Variants in KRT80 observed in about 807,000 individuals in gnomAD.
KRT80 encodes the protein keratin, type II cytoskeletal 80.
KRT80 carries 36 observed loss-of-function variants against 51.5 expected under a neutral mutation model. That is an observed-to-expected ratio of 0.70 (90% CI 0.54 to 0.92). The LOEUF (loss-of-function observed/expected upper bound fraction) is 0.92. Among genes scored for constraint, KRT80 ranks in the 40% least tolerant of loss-of-function variants. KRT80 has a pLI of 0.00. For missense variants in KRT80, 566 were observed against 591.7 expected, an observed-to-expected ratio of 0.96 and a Z score of 0.45; for synonymous variants, 235 against 248.3, an observed-to-expected ratio of 0.95 and a Z score of 0.50.
intron 1 of KRT80, among the ~76,000 whole-genome samples, chr12:52,189,150 C>T (rs920955838): frequency 7.9e-5 from 12 of 152,034 alleles, no homozygotes; most frequent in Admixed American, 7.2e-4. Context: ...CCCCACCCCT[C>T]TCCTCTCTTT....
Position 52,171,296 on chromosome 12 carries a change from G to A in KRT80, c.*102C>T, listed in dbSNP as rs575441541. The A allele has an allele frequency of 3.6e-4, 441 of 1,213,198 alleles. No individual in the cohort carries two copies. Among genetic ancestry groups the A allele is most frequent in the Non-Finnish European group, 4.6e-4 (398 of 864,592 alleles). The allele number at this position is 1,213,198 out of a possible 1,614,324, so 75.2% of individuals were successfully genotyped here. ...CTCTCTCAGTTCAATATCAGGTTTT[G>A]CCTCTCTTCTCAACCTAGAGGCTCC... On this transcript the variant is annotated 3_prime_UTR_variant, in exon 9 of 9. Transcript: ENST00000394815.
chr12:52,170,559 A>C lies in KRT80; in HGVS notation c.*839T>G, dbSNP rs1000380979. The stretch of plus-strand genomic sequence containing the variant: ...AGAGCTCAGATCCAGGCTGGGTAGG[A>C]CCCCAGCATGGCAGGGAGGTGAAAG... On this transcript the variant is annotated 3_prime_UTR_variant, in exon 9 of 9. Transcript: ENST00000394815. 1 of 151,980 alleles carries C rather than the reference A, an allele frequency of 6.6e-6. No homozygotes were observed. Among genetic ancestry groups the C allele is most frequent in the Admixed American group, 6.6e-5 (1 of 15,262 alleles). The allele number at this position is 151,980 out of a possible 1,614,324, so 9.4% of individuals were successfully genotyped here. A position where few individuals can be genotyped will look rare whatever the true frequency, so the allele number is the denominator to read the frequency against.
chr12:52,170,491 CA>C lies in KRT80; in HGVS notation c.*906del, dbSNP rs1941069611. The stretch of plus-strand genomic sequence containing the variant: ...CAGGGGTCTCCAAGGCCTGGTGCAC[CA>C]AAGCCCGGTGCTCAGGCTGGGAACA... On this transcript the variant is annotated 3_prime_UTR_variant, in exon 9 of 9. Coordinates refer to ENST00000394815, the MANE Select transcript of KRT80 (RefSeq NM_182507.3). The C allele has an allele frequency of 6.6e-6, 1 of 152,282 alleles. No homozygotes were observed. Among genetic ancestry groups the C allele is most frequent in the African/African-American group, 2.4e-5 (1 of 41,446 alleles). The allele number at this position is 152,282 out of a possible 1,614,324, so 9.4% of individuals were successfully genotyped here.
chr12:52,183,313 A>AT (rs1193966626), intron 2 of KRT80, among the ~76,000 whole-genome samples: 1 of 152,152 alleles, frequency 6.6e-6, no homozygotes, highest in East Asian at 1.9e-4. Flanking sequence ...ATTCTCAGGC[A>AT]TTTTTTAGCT....
intron 1 of KRT80, among the ~76,000 whole-genome samples, chr12:52,188,138 C>T (rs919921077): frequency 3.3e-5 from 5 of 152,138 alleles, no homozygotes; most frequent in African/African-American, 1.2e-4. Context: ...AGGCTCCTCC[C>T]TCTCAGAACA....
intron 1 of KRT80, 86 bp downstream of exon 1, chr12:52,191,517 T>C: frequency 1.5e-6 from 2 of 1,341,030 alleles, no homozygotes; most frequent in Non-Finnish European, 2.0e-6. Context: ...TGGGGCGCGG[T>C]GATCGATGCT....
Position 52,171,327 on chromosome 12 carries a change from G to A in KRT80, c.*71C>T. 3.4e-6 allele frequency: 5 copies of A among 1,453,090 alleles called. No homozygotes were observed. Among genetic ancestry groups the A allele is most frequent in the Non-Finnish European group, 4.6e-6 (5 of 1,076,802 alleles). 90.0% of individuals were successfully genotyped at this position (1,453,090 alleles called of 1,614,324 possible). A position where few individuals can be genotyped will look rare whatever the true frequency, so the allele number is the denominator to read the frequency against. ...CTTCTCAACCTAGAGGCTCCAAGCT[G>A]CTTTCTTGAGTCTAGCTTAAGTCCC... On this transcript the variant is annotated 3_prime_UTR_variant, in exon 9 of 9. Transcript: ENST00000394815.
chr12:52,176,092 A>G (rs1364704058), intron 4 of KRT80, among the ~76,000 whole-genome samples: 2 of 152,210 alleles, frequency 1.3e-5, no homozygotes, highest in Admixed American at 1.3e-4. Flanking sequence ...GTCAGGGTGA[A>G]AAGACTGGCC....
intron 1 of KRT80, among the ~76,000 whole-genome samples, chr12:52,187,892 A>G (rs948989909): frequency 2.6e-5 from 4 of 152,202 alleles, no homozygotes; most frequent in African/African-American, 7.2e-5. Flanking sequence ...CATGAGCAGC[A>G]GAGAAATCTT....
At chr12:52,183,663 T>C (rs1269834255) in intron 2 of KRT80, among the ~76,000 whole-genome samples, 1 of 152,246 alleles carries the variant, frequency 6.6e-6, no homozygotes, top group East Asian at 1.9e-4. Context: ...ATGAGGGGGC[T>C]GAGCCAGATT....
chr12:52,185,540 G>A lies in KRT80; in HGVS notation c.348C>T (p.Ser116=). 6.2e-7 allele frequency: 1 copy of A among 1,612,662 alleles called. No homozygotes were observed. Residue 116 remains serine, a synonymous_variant, in exon 2 of 9, where the codon AGC becomes AGT. Transcript: ENST00000394815. ...QRNQLLETRW[S]FLQGQDSAIF... ...TGGCTGAGTCCTGGCCCTGCAGGAA[G>A]CTCCAGCGTGTCTCCAGCAGCTGGT...
rs187760214 is a variant in KRT80, at chr12:52,172,557, C to G, written c.958-139G>C. 68 of 749,810 alleles carry G rather than the reference C, an allele frequency of 9.1e-5. 1 individual carries two copies. The highest frequency in any genetic ancestry group is 5.3e-4 in the South Asian group (28 of 52,630). The allele number at this position is 749,810 out of a possible 1,614,324, so 46.4% of individuals were successfully genotyped here. On this transcript the variant is annotated intron_variant, in intron 6 of 8. Transcript: ENST00000394815. ...GCAATGGCATTTCTGGGTGTGGTAA[C>G]TGGTTGCCATGCAGCAAGAGGGAGT...
chr12:52,187,107 TAGGCCATGAGGGC>T (rs1941419011), intron 1 of KRT80, among the ~76,000 whole-genome samples: 1 of 152,250 alleles, frequency 6.6e-6, no homozygotes, highest in South Asian at 2.1e-4. Flanking sequence ...GTGCCAGGGA[TAGGCCATGAGGGC>T]AGGCCATGAG....
rs368072477 is a variant in KRT80, at chr12:52,170,201, G to T, written c.*1197C>A. On this transcript the variant is annotated 3_prime_UTR_variant, in exon 9 of 9. Transcript: ENST00000394815. ...TTTGGGCCCCACAGCTGGACCTCAA[G>T]GGCTTGGAAGCTCCCAGACTTGCCT... is the stretch of plus-strand genomic sequence containing the variant. The T allele has an allele frequency of 2.6e-5, 4 of 152,454 alleles. No homozygotes were observed. The South Asian group carries it at 6.2e-4, about 24-fold the overall frequency. 9.4% of individuals were successfully genotyped at this position (152,454 alleles called of 1,614,324 possible).
Position 52,170,326 on chromosome 12 carries a change from G to A in KRT80, c.*1072C>T, listed in dbSNP as rs1941065207. 1 of 152,460 alleles carries A rather than the reference G, an allele frequency of 6.6e-6. No homozygotes were observed. Among genetic ancestry groups the A allele is most frequent in the African/African-American group, 2.4e-5 (1 of 41,454 alleles). The allele number at this position is 152,460 out of a possible 1,614,324, so 9.4% of individuals were successfully genotyped here. On this transcript the variant is annotated 3_prime_UTR_variant, in exon 9 of 9. Coordinates refer to ENST00000394815, the MANE Select transcript of KRT80 (RefSeq NM_182507.3). Reference sequence around the variant, plus strand: ...GAAAGGAGGAGCTCTAACCCCATAGGTGTGGGGGGTTCCTGGGCTCCCCCA... The same window carrying A: ...GAAAGGAGGAGCTCTAACCCCATAGATGTGGGGGGTTCCTGGGCTCCCCCA...
rs746844184 is a variant in KRT80 at position 52,173,678 on chromosome 12, G to T, written c.753C>A (p.Ile251=). The change falls in exon 5 of 9, where the codon ATC becomes ATA. Residue 251 remains isoleucine, a synonymous_variant. Coordinates refer to ENST00000394815, the MANE Select transcript of KRT80 (RefSeq NM_182507.3). The part of the protein sequence containing the change: ...DSRCHIDLSG[I]VEEVKAQYDA... Reference sequence around the variant, plus strand: ...CATACTGGGCCTTCACCTCCTCCACGATGCCGCTCAGGTCGATGTGGCAGC... The same window carrying T: ...CATACTGGGCCTTCACCTCCTCCACTATGCCGCTCAGGTCGATGTGGCAGC... 2.5e-6 allele frequency: 4 copies of T among 1,612,946 alleles called. No individual in the cohort carries two copies. The African/African-American group carries it at 4.0e-5, about 16-fold the overall frequency.
intron 4 of KRT80, among the ~76,000 whole-genome samples, chr12:52,176,761 G>GT (rs1592359587): frequency 1.3e-5 from 2 of 152,334 alleles, no homozygotes; most frequent in East Asian, 3.9e-4. Context: ...GATTACAGGC[G>GT]TGAGCCACTG....
chr12:52,173,351 G>A (rs1941153350), intron 5 of KRT80, among the ~76,000 whole-genome samples, 188 bp from the exon 6 acceptor site: 1 of 151,956 alleles, frequency 6.6e-6, no homozygotes, highest in Admixed American at 6.5e-5. Context: ...TGCCCTAGCT[G>A]AGCCCCATGG....
chr12:52,186,505 C>T (rs368057361), intron 1 of KRT80, among the ~76,000 whole-genome samples: 299 of 152,232 alleles, frequency 2.0e-3, no homozygotes, highest in Non-Finnish European at 3.4e-3. Flanking sequence ...TGGGTGGGTA[C>T]TATTATAAGC....
Sources: allele counts gnomAD v4.1 joint callset (sites outside exome capture counted in the v4.1 genomes callset), GRCh38; gene constraint gnomAD v4.1.1; transcripts MANE v1.5; gene names NCBI Gene and HGNC (gene_info 2026-07-23, HGNC 2026-07-21).